The following FAAH variants were observed in gnomAD, a reference collection of about 807,000 sequenced individuals.
The protein encoded by FAAH is fatty acid amide hydrolase, also known as fatty-acid amide hydrolase 1.
FAAH carries 63 observed loss-of-function variants against 69.7 expected under a neutral mutation model. The observed-to-expected ratio is 0.90, with a 90% CI of 0.74 to 1.12. The LOEUF (loss-of-function observed/expected upper bound fraction) is 1.12, where lower values mean the gene tolerates loss of function less well. Among genes scored for constraint, FAAH ranks in the 50% most tolerant of loss-of-function variants. The pLI, the probability that FAAH is intolerant of heterozygous loss-of-function variation, is 0.00. For synonymous variants in FAAH, 305 were observed against 324.2 expected (o/e 0.94, Z 0.64); for missense variants, 680 against 755.0 (o/e 0.90, Z 1.16).
chr1:46,406,414 C>T, intron 7 of FAAH, 46 bp downstream of exon 7: 1 of 1,612,486 alleles, frequency 6.2e-7, no homozygotes. Context: ...TGAACCCAGA[C>T]AGCCACCCCA....
intron 9 of FAAH, among the ~76,000 whole-genome samples, chr1:46,409,754 C>A (rs542259175): frequency 1.3e-5 from 2 of 152,264 alleles, no homozygotes; most frequent in East Asian, 1.9e-4. Context: ...TGGTGACATA[C>A]CTCTGCTGGA....
chr1:46,397,375 G>A (rs916641902), intron 1 of FAAH, among the ~76,000 whole-genome samples: 1 of 152,146 alleles, frequency 6.6e-6, no homozygotes, highest in Non-Finnish European at 1.5e-5. Context: ...TTATTTTTAC[G>A]AACAGATTAT....
Position 46,405,511 on chromosome 1 carries a change from G to C in FAAH, c.578+6G>C. 9.2e-7 allele frequency: 1 copy of C among 1,087,040 alleles called. No homozygotes were observed. Among genetic ancestry groups the C allele is most frequent in the Non-Finnish European group, 1.3e-6 (1 of 768,340 alleles). The allele number at this position is 1,087,040 out of a possible 1,614,324, so 67.3% of individuals were successfully genotyped here. On this transcript the variant is annotated splice_donor_region_variant and intron_variant, in intron 4 of 14. Coordinates refer to ENST00000243167, the MANE Select transcript of FAAH (RefSeq NM_001441.3). This position sits in a 1 kb window ranked among gnomAD's most constrained non-coding sequence, Gnocchi z 4.1. ...GTTCCACAGTCCATGTTCAGGTTGGGTCTTGGGGTGGGGCGGGGCGGGGCA... is the reference window on the plus strand; with the variant it reads ...GTTCCACAGTCCATGTTCAGGTTGGCTCTTGGGGTGGGGCGGGGCGGGGCA...
chr1:46,413,019 G>A (rs199954260), intron 13 of FAAH, 56 bp from the exon 14 acceptor site: 14 of 1,606,534 alleles, frequency 8.7e-6, no homozygotes, highest in South Asian at 3.3e-5. Flanking sequence ...ACTCAGGCCC[G>A]GAGTTGGCAC....
In FAAH at chr1:46,411,556, TGCTGATCTCCGTG is replaced by T. The variant is rs1664913453; in HGVS notation, c.1317-51_1317-39del. 2 of 1,601,774 alleles carry T rather than the reference TGCTGATCTCCGTG, an allele frequency of 1.2e-6. No individual in the cohort carries two copies. The highest frequency in any genetic ancestry group is 8.5e-7 in the Non-Finnish European group (1 of 1,170,198). Reference sequence around the variant, plus strand: ...AGGGTTGGCAGTAGGGGTCTGATGTTGCTGATCTCCGTGGCTGTGACCATCATGGCTGGTGACC... The same window carrying T: ...AGGGTTGGCAGTAGGGGTCTGATGTTGCTGTGACCATCATGGCTGGTGACC... On this transcript the variant is annotated intron_variant, in intron 11 of 14. Coordinates refer to ENST00000243167, the MANE Select transcript of FAAH (RefSeq NM_001441.3). The surrounding 1 kb of genome is among the most constrained non-coding windows in gnomAD (Gnocchi z 4.8).
intron 14 of FAAH, 105 bp from the exon 15 acceptor site, chr1:46,413,342 G>A (rs1401491209): frequency 3.2e-5 from 51 of 1,609,398 alleles, no homozygotes; most frequent in Non-Finnish European, 4.1e-5. Flanking sequence ...GAAGGACTAT[G>A]GCCTGGCCCT....
At chr1:46,394,676 G>A (rs1163472800) in intron 1 of FAAH, 133 bp downstream of exon 1, 3 of 792,368 alleles carry the variant, frequency 3.8e-6, no homozygotes, top group African/African-American at 3.6e-5. Flanking sequence ...ATCTCTCCTT[G>A]CCCTAAGATA....
In FAAH at chr1:46,413,387, G is replaced by A. The variant is rs1175286577; in HGVS notation, c.1612-60G>A. On this transcript the variant is annotated intron_variant, in intron 14 of 14. Coordinates refer to ENST00000243167, the MANE Select transcript of FAAH (RefSeq NM_001441.3). ...CCTCTCTCTAGCTGGGTGCTTCCTGGGCCTGGGGGTGGGGAGTCCTGCCTT... is the reference window on the plus strand; with the variant it reads ...CCTCTCTCTAGCTGGGTGCTTCCTGAGCCTGGGGGTGGGGAGTCCTGCCTT... 3 of 1,613,048 alleles carry A rather than the reference G, an allele frequency of 1.9e-6. No individual in the cohort carries two copies. The East Asian group carries it at 6.7e-5, about 36-fold the overall frequency.
rs1017548482 is a variant in FAAH, at chr1:46,410,219, C to T, written c.1176-179C>T. Reference sequence around the variant, plus strand: ...GAGCTCCCGTGGATGTGGGTTGCAGCCCAGGCATCCCAAAGGATCAGCAGA... The same window carrying T: ...GAGCTCCCGTGGATGTGGGTTGCAGTCCAGGCATCCCAAAGGATCAGCAGA... On this transcript the variant is annotated intron_variant, in intron 9 of 14. Coordinates refer to ENST00000243167, the MANE Select transcript of FAAH (RefSeq NM_001441.3). The surrounding 1 kb of genome is among the most constrained non-coding windows in gnomAD (Gnocchi z 4.9). The T allele has an allele frequency of 9.1e-5, 63 of 691,086 alleles. No homozygotes were observed. The highest frequency in any genetic ancestry group is 1.5e-4 in the Non-Finnish European group (57 of 373,082). 42.8% of individuals were successfully genotyped at this position (691,086 alleles called of 1,614,324 possible).
intron 7 of FAAH, among the ~76,000 whole-genome samples, chr1:46,407,067 C>T (rs980109718): frequency 1.3e-5 from 2 of 151,800 alleles, no homozygotes; most frequent in Non-Finnish European, 2.9e-5. Flanking sequence ...GACCCCAGCT[C>T]ATGTAGCCTG....
At chr1:46,406,517 C>T (rs1420591664) in intron 7 of FAAH, 149 bp downstream of exon 7, 1 of 903,428 alleles carries the variant, frequency 1.1e-6, no homozygotes, top group Non-Finnish European at 1.8e-6. Flanking sequence ...CAGACGGCCA[C>T]CAGATGGAGC....
rs1283727823 is a variant in FAAH at position 46,411,900 on chromosome 1, G to C, written c.1357-243G>C. ...GCCGCCTTTTTGCCCCTCTGGAGCTGCCTTTGTGTGGCTCCGCCTCAGCGG... is the reference window on the plus strand; with the variant it reads ...GCCGCCTTTTTGCCCCTCTGGAGCTCCCTTTGTGTGGCTCCGCCTCAGCGG... On this transcript the variant is annotated intron_variant, in intron 12 of 14. Transcript: ENST00000243167. This position sits in a 1 kb window ranked among gnomAD's most constrained non-coding sequence, Gnocchi z 4.8. 3.3e-5 allele frequency among the ~76,000 whole-genome samples: 5 copies of C among 152,252 alleles called. No homozygotes were observed.
At chr1:46,397,410 A>C (rs1443258441) in intron 1 of FAAH, among the ~76,000 whole-genome samples, 2 of 152,236 alleles carry the variant, frequency 1.3e-5, no homozygotes, top group African/African-American at 4.8e-5. Flanking sequence ...TTTGGCTCTG[A>C]AAGCTTGGCT....
intron 2 of FAAH, among the ~76,000 whole-genome samples, chr1:46,403,280 A>G (rs2148447738): frequency 6.6e-6 from 1 of 150,844 alleles, no homozygotes; most frequent in Non-Finnish European, 1.5e-5. Context: ...ATAGACATGC[A>G]CCCCCATGCT....
rs1664925667 is a variant in FAAH at position 46,412,038 on chromosome 1, G to A, written c.1357-105G>A. The A allele has an allele frequency of 8.4e-6, 8 of 955,072 alleles. No homozygotes were observed. In the South Asian group the frequency reaches 1.1e-4, roughly 13 times the overall value. The allele number at this position is 955,072 out of a possible 1,614,324, so 59.2% of individuals were successfully genotyped here. Reference sequence around the variant, plus strand: ...CACTGTGGCTCTGTTCAGATCCAGGGGCAGGTGCTGGGGCCAGAGCCACCC... The same window carrying A: ...CACTGTGGCTCTGTTCAGATCCAGGAGCAGGTGCTGGGGCCAGAGCCACCC... On this transcript the variant is annotated intron_variant, in intron 12 of 14. Coordinates refer to ENST00000243167, the MANE Select transcript of FAAH (RefSeq NM_001441.3).
In FAAH at chr1:46,410,392, T is replaced by C; in HGVS notation, c.1176-6T>C. 6.2e-7 allele frequency: 1 copy of C among 1,613,466 alleles called. No individual in the cohort carries two copies. The highest frequency in any genetic ancestry group is 8.5e-7 in the Non-Finnish European group (1 of 1,179,448). The stretch of plus-strand genomic sequence containing the variant: ...GAGTGCCTGGACCGAGCATTTTGTT[T>C]CCCAGCAAAGGTGATTTCGTGGACC... On this transcript the variant is annotated splice_region_variant and splice_polypyrimidine_tract_variant and intron_variant, in intron 9 of 14. Coordinates refer to ENST00000243167, the MANE Select transcript of FAAH (RefSeq NM_001441.3). The surrounding 1 kb of genome is among the most constrained non-coding windows in gnomAD (Gnocchi z 4.9).
chr1:46,407,095 GCTACGTGAGCCAGGGT>G (rs1324293091), intron 7 of FAAH, among the ~76,000 whole-genome samples: 2 of 151,782 alleles, frequency 1.3e-5, no homozygotes, highest in African/African-American at 4.8e-5. Flanking sequence ...CAGACTTGCT[GCTACGTGAGCCAGGGT>G]CTGCAAGCAG....
rs1664909352 is a variant in FAAH at position 46,411,309 on chromosome 1, C to A, written c.1317-303C>A. Reference sequence around the variant, plus strand: ...GACGTCCCATGGACTCACTCCTTCCCTTACCACCAGGCTTCAGGACTGGCA... The same window carrying A: ...GACGTCCCATGGACTCACTCCTTCCATTACCACCAGGCTTCAGGACTGGCA... On this transcript the variant is annotated intron_variant, in intron 11 of 14. Coordinates refer to ENST00000243167, the MANE Select transcript of FAAH (RefSeq NM_001441.3). This position sits in a 1 kb window ranked among gnomAD's most constrained non-coding sequence, Gnocchi z 4.8. Among the ~76,000 whole-genome samples, 1 of 152,222 alleles carries A rather than the reference C, an allele frequency of 6.6e-6. No individual in the cohort carries two copies. Among genetic ancestry groups the A allele is most frequent in the South Asian group, 2.1e-4 (1 of 4,828 alleles).
chr1:46,413,725 C>A lies in FAAH; in HGVS notation c.*150C>A. 9.0e-7 allele frequency: 1 copy of A among 1,117,000 alleles called. No homozygotes were observed. Among genetic ancestry groups the A allele is most frequent in the Admixed American group, 2.0e-5 (1 of 49,778 alleles). 69.2% of individuals were successfully genotyped at this position (1,117,000 alleles called of 1,614,324 possible). A position where few individuals can be genotyped will look rare whatever the true frequency, so the allele number is the denominator to read the frequency against. ...CCCAACCCCCTGCAAGAAGCGCCGA[C>A]TCCCTGAGTCTGGACCTCCATCCCT... is the stretch of plus-strand genomic sequence containing the variant. On this transcript the variant is annotated 3_prime_UTR_variant, in exon 15 of 15. Transcript: ENST00000243167.
Sources: allele counts gnomAD v4.1 joint callset (sites outside exome capture counted in the v4.1 genomes callset), GRCh38; gene constraint gnomAD v4.1.1; non-coding constraint Gnocchi (gnomAD v3.1); transcripts MANE v1.5; gene names NCBI Gene and HGNC (gene_info 2026-07-23, HGNC 2026-07-21).